The following BST2 variants were observed in gnomAD, a reference collection of about 807,000 sequenced individuals.
BST2 encodes the protein bone marrow stromal antigen 2.
A neutral mutation model predicts 18.6 loss-of-function variants in BST2; 10 were observed. That is an observed-to-expected ratio of 0.54 (90% CI 0.33 to 0.91). The LOEUF is 0.91. Among genes scored for constraint, BST2 ranks in the 40% least tolerant of loss-of-function variants. The probability of loss-of-function intolerance (pLI) is 0.02; values close to 1 mark genes in which losing one functional copy is unlikely to be tolerated. For missense variants in BST2, 183 were observed against 228.4 expected (o/e 0.80, Z 1.28); for synonymous variants, 75 against 96.8 (o/e 0.77, Z 1.32).
In BST2 at chr19:17,404,257, T is replaced by C. The variant is rs375749640; in HGVS notation, c.353-68A>G. On this transcript the variant is annotated intron_variant, in intron 2 of 4. Transcript: ENST00000252593. ...TGGCCATGCTGGGGCCCTGCTCCAC[T>C]CTGGGACAGAACCTCCCCCTTACCC... The C allele has an allele frequency of 4.4e-4, 691 of 1,567,592 alleles. 5 individuals carry two copies. The African/African-American group carries it at 5.7e-3, about 13-fold the overall frequency.
chr19:17,403,266 T>C lies in BST2; in HGVS notation c.*76A>G. ...TGTTGCCCCATGACCCGCTCAGAAC[T>C]GATGAGATCAAGGGAATGTTCAAGC... On this transcript the variant is annotated 3_prime_UTR_variant, in exon 5 of 5. Coordinates refer to ENST00000252593, the MANE Select transcript of BST2 (RefSeq NM_004335.4). 9.6e-7 allele frequency: 1 copy of C among 1,040,160 alleles called. No homozygotes were observed. The highest frequency in any genetic ancestry group is 1.2e-6 in the Non-Finnish European group (1 of 861,456). 64.4% of individuals were successfully genotyped at this position (1,040,160 alleles called of 1,614,324 possible). A position where few individuals can be genotyped will look rare whatever the true frequency, so the allele number is the denominator to read the frequency against.
intron 2 of BST2, 69 bp downstream of exon 2, chr19:17,404,302 C>T (rs1212601850): frequency 6.7e-7 from 1 of 1,488,612 alleles, no homozygotes; most frequent in Non-Finnish European, 9.4e-7. Flanking sequence ...GCCCTGGTCT[C>T]CCTGCCCCCA....
At chr19:17,404,459 G>A in intron 1 of BST2, 22 bp from the exon 2 acceptor site, 1 of 1,614,062 alleles carries the variant, frequency 6.2e-7, no homozygotes, top group South Asian at 1.1e-5. Flanking sequence ...TAGAATCTGG[G>A]GTTTTGGCCT....
chr19:17,403,847 GGCATCTGCTCGTCCTGGCTC>G, intron 3 of BST2, 23 bp from the exon 4 acceptor site: 1 of 1,603,786 alleles, frequency 6.2e-7, no homozygotes, highest in Non-Finnish European at 8.5e-7. Context: ...TGGCAAATCA[GGCATCTGCTCGTCCTGGCTC>G]CTGCCGCCCT....
chr19:17,403,863 G>A (rs1432240902), intron 3 of BST2, 39 bp from the exon 4 acceptor site: 2 of 1,595,084 alleles, frequency 1.3e-6, no homozygotes, highest in East Asian at 2.2e-5. Context: ...TGCTCGTCCT[G>A]GCTCCTGCCG....
chr19:17,403,904 T>A (rs968646326), intron 3 of BST2, 80 bp from the exon 4 acceptor site: 25 of 1,532,234 alleles, frequency 1.6e-5, no homozygotes, highest in Non-Finnish European at 1.9e-5. Context: ...CCCCCGGGAG[T>A]TCCCCCCGCA....
In BST2 at chr19:17,403,763, C is replaced by A; in HGVS notation, c.475G>T (p.Asp159Tyr). ...TGGGGCGCCGCAGCGGAGCTGGAGTCCTGGGAGCTGGGGTAGTACTTCTTG... is the reference window on the plus strand; with the variant it reads ...TGGGGCGCCGCAGCGGAGCTGGAGTACTGGGAGCTGGGGTAGTACTTCTTG... Reference protein sequence around the residue: ...ADKKYYPSSQDSSSAAAPQLL... With the variant: ...ADKKYYPSSQYSSSAAAPQLL... Residue 159 changes from aspartate to tyrosine, a missense_variant, in exon 4 of 5, where the codon GAC becomes TAC. Physicochemically the swap from Asp to Tyr is radical, Grantham distance 160. Transcript: ENST00000252593. The A allele has an allele frequency of 6.2e-7, 1 of 1,614,042 alleles. No homozygotes were observed. Among genetic ancestry groups the A allele is most frequent in the East Asian group, 2.2e-5 (1 of 44,854 alleles).
At chr19:17,404,486 G>C in intron 1 of BST2, 49 bp from the exon 2 acceptor site, 1 of 1,613,584 alleles carries the variant, frequency 6.2e-7, no homozygotes, top group Non-Finnish European at 8.5e-7. Context: ...TTTGGCTGCT[G>C]CCCCTGGGAC....
chr19:17,405,261 T>C (rs2074719468), intron 1 of BST2, 30 bp downstream of exon 1: 1 of 1,586,348 alleles, frequency 6.3e-7, no homozygotes, highest in Admixed American at 1.7e-5. Flanking sequence ...CGCCTAGTAC[T>C]AGGCCATCCA....
chr19:17,404,932 T>A (rs2074717244), intron 1 of BST2, among the ~76,000 whole-genome samples: 1 of 152,168 alleles, frequency 6.6e-6, no homozygotes, highest in Non-Finnish European at 1.5e-5. Context: ...CCTTCAACCC[T>A]GAATAGGGAT....
intron 1 of BST2, among the ~76,000 whole-genome samples, chr19:17,404,816 G>T (rs1439632561): frequency 6.6e-6 from 1 of 152,154 alleles, no homozygotes; most frequent in East Asian, 1.9e-4. Context: ...CATGCCCAGC[G>T]AGAGTTTCAA....
Position 17,405,381 on chromosome 19 carries a change from A to G in BST2, c.195T>C (p.Asn65=), listed in dbSNP as rs1374076980. The G allele has an allele frequency of 1.2e-6, 2 of 1,614,104 alleles. No individual in the cohort carries two copies. Among genetic ancestry groups the G allele is most frequent in the African/African-American group, 1.3e-5 (1 of 74,934 alleles). ...GCTCTTGTTGCAGGAGATGGGTGAC[A>G]TTGCGACACTCCATCACTGCCCGAA... ...DGLRAVMECR[N]VTHLLQQELT... The change falls in exon 1 of 5, where the codon AAT becomes AAC. Residue 65 remains asparagine (N), a synonymous_variant. Coordinates refer to ENST00000252593, the MANE Select transcript of BST2 (RefSeq NM_004335.4).
At chr19:17,404,222 G>A in intron 2 of BST2, 33 bp from the exon 3 acceptor site, 1 of 1,594,406 alleles carries the variant, frequency 6.3e-7, no homozygotes, top group Non-Finnish European at 8.6e-7. Flanking sequence ...ACAGGGGGCG[G>A]GTCAGCATGT....
At chr19:17,404,074 TG>T in intron 3 of BST2, 54 bp downstream of exon 3, 5 of 1,518,504 alleles carry the variant, frequency 3.3e-6, no homozygotes, top group Non-Finnish European at 3.6e-6. Flanking sequence ...GCTAGGGATG[TG>T]GGGGTGAGAG....
intron 3 of BST2, 33 bp from the exon 4 acceptor site, chr19:17,403,857 C>G: frequency 1.2e-6 from 2 of 1,600,198 alleles, no homozygotes; most frequent in Non-Finnish European, 1.7e-6. Context: ...GGCATCTGCT[C>G]GTCCTGGCTC....
At position 17,405,433 on chromosome 19, in the gene BST2, G is replaced by T. The variant is rs1453430184; in HGVS notation, c.143C>A (p.Ala48Asp). Residue 48 changes from alanine to aspartate, a missense_variant, in exon 1 of 5, where the codon GCC becomes GAC. By Grantham distance (126) the Ala-to-Asp change is moderately radical. Transcript: ENST00000252593. ...GVPLIIFTIK[A>D]NSEACRDGLR... ...GCCGTCCCGGCAGGCCTCGCTGTTG[G>T]CCTTGATGGTGAAGATAATCAAGGG... 6.2e-7 allele frequency: 1 copy of T among 1,614,234 alleles called. No individual in the cohort carries two copies. The highest frequency in any genetic ancestry group is 1.7e-5 in the Admixed American group (1 of 60,028).
intron 3 of BST2, 45 bp from the exon 4 acceptor site, chr19:17,403,869 T>C: frequency 6.3e-7 from 1 of 1,592,188 alleles, no homozygotes; most frequent in Non-Finnish European, 8.6e-7. Flanking sequence ...TCCTGGCTCC[T>C]GCCGCCCTCC....
At chr19:17,403,467 C>A (rs1226898933) in intron 4 of BST2, 141 bp from the exon 5 acceptor site, 1 of 748,288 alleles carries the variant, frequency 1.3e-6, no homozygotes, top group East Asian at 8.6e-5. Context: ...GATAGACCCG[C>A]CCCCATTGAT....
chr19:17,405,583 T>C lies in BST2; in HGVS notation c.-8A>G. On this transcript the variant is annotated 5_prime_UTR_variant, in exon 1 of 5. Transcript: ENST00000252593. ...ATACGAAGTAGATGCCATCCAGATC[T>C]CCCCTTTAGAGTCTGGCCTGGAGTT... 8.1e-7 allele frequency: 1 copy of C among 1,237,772 alleles called. No individual in the cohort carries two copies. Among genetic ancestry groups the C allele is most frequent in the South Asian group, 1.4e-5 (1 of 71,034 alleles). The allele number at this position is 1,237,772 out of a possible 1,614,324, so 76.7% of individuals were successfully genotyped here. A position where few individuals can be genotyped will look rare whatever the true frequency, so the allele number is the denominator to read the frequency against.
Sources: gnomAD v4.1 joint callset for allele counts (sites outside exome capture counted in the v4.1 genomes callset) on GRCh38, gnomAD v4.1.1 for gene constraint, MANE v1.5 for transcripts, NCBI Gene and HGNC (gene_info 2026-07-23, HGNC 2026-07-21) for gene names.